CDH12: variants seen among roughly 807,000 people sequenced by gnomAD.
The protein encoded by CDH12 is cadherin 12.
CDH12 carries 41 observed loss-of-function variants against 74.1 expected under a neutral mutation model. That is an observed-to-expected ratio of 0.55 (90% confidence interval 0.43 to 0.72). The LOEUF is 0.72. Ranked by LOEUF, CDH12 falls within the 30% of genes least tolerant of loss-of-function variation. CDH12 has a pLI of 0.00. For missense variants in CDH12, 945 were observed against 977.2 expected (o/e 0.97, Z 0.44); for synonymous variants, 399 against 355.0 (o/e 1.12, Z -1.39).
intron 7 of CDH12, among the ~76,000 whole-genome samples, chr5:21,850,932 G>A (rs777585749): frequency 4.6e-5 from 7 of 150,926 alleles, no homozygotes; most frequent in Non-Finnish European, 1.0e-4. Flanking sequence ...TAAGAGATAC[G>A]GAGAGAAATG....
intron 2 of CDH12, among the ~76,000 whole-genome samples, chr5:22,412,974 T>G (rs573979202): frequency 6.6e-6 from 1 of 152,016 alleles, no homozygotes; most frequent in African/African-American, 2.4e-5. Context: ...TTCCAGCCTA[T>G]GTTACTATGG....
chr5:22,485,131 G>C (rs912708910), intron 2 of CDH12, among the ~76,000 whole-genome samples: 31 of 152,138 alleles, frequency 2.0e-4, no homozygotes, highest in Admixed American at 3.9e-4. Context: ...CTTGTCCATT[G>C]TTTATTATCT....
At chr5:22,466,198 C>T (rs981113967) in intron 2 of CDH12, among the ~76,000 whole-genome samples, 1 of 152,182 alleles carries the variant, frequency 6.6e-6, no homozygotes, top group African/African-American at 2.4e-5. Flanking sequence ...CTTCCTGAGC[C>T]CTATGCTTTA....
chr5:21,905,074 A>T (rs1753574251), intron 6 of CDH12, among the ~76,000 whole-genome samples: 1 of 152,188 alleles, frequency 6.6e-6, no homozygotes, highest in Non-Finnish European at 1.5e-5. Flanking sequence ...GTCAATCACA[A>T]TTTGTCCTTT....
At chr5:22,429,951 GAA>G (rs1400016249) in intron 2 of CDH12, among the ~76,000 whole-genome samples, 1 of 152,134 alleles carries the variant, frequency 6.6e-6, no homozygotes, top group Non-Finnish European at 1.5e-5. Context: ...TATGAAAGCT[GAA>G]AGAGATTAAT....
intron 1 of CDH12, among the ~76,000 whole-genome samples, chr5:22,656,301 T>C (rs531376167): frequency 3.3e-5 from 5 of 152,338 alleles, no homozygotes; most frequent in African/African-American, 7.2e-5. Context: ...CTGGTTCAGA[T>C]TGAATATTTA....
intron 2 of CDH12, among the ~76,000 whole-genome samples, chr5:22,466,337 ATGGGGC>A (rs1554043002): frequency 2.0e-5 from 3 of 152,262 alleles, no homozygotes; most frequent in Non-Finnish European, 2.9e-5. Context: ...CAGTAACCCA[ATGGGGC>A]ACATATGTTT....
intron 4 of CDH12, among the ~76,000 whole-genome samples, chr5:22,096,343 A>G (rs1743779194): frequency 6.6e-6 from 1 of 152,028 alleles, no homozygotes; most frequent in South Asian, 2.1e-4. Context: ...GCATTCTTTT[A>G]TACATTGGTC....
At chr5:22,030,293 GGT>G (rs1421199443) in intron 5 of CDH12, among the ~76,000 whole-genome samples, 1 of 151,888 alleles carries the variant, frequency 6.6e-6, no homozygotes, top group Non-Finnish European at 1.5e-5. Flanking sequence ...AAAAAAGAAA[GGT>G]ATTTCTTGAA....
At chr5:21,956,973 A>T (rs538792072) in intron 6 of CDH12, among the ~76,000 whole-genome samples, 22 of 151,546 alleles carry the variant, frequency 1.5e-4, no homozygotes, top group Middle Eastern at 6.8e-3. Context: ...ATATAGGTAA[A>T]CTCGTGTCAC....
At chr5:22,768,883 T>C (rs1224055079) in intron 1 of CDH12, among the ~76,000 whole-genome samples, 1 of 152,208 alleles carries the variant, frequency 6.6e-6, no homozygotes, top group South Asian at 2.1e-4. Context: ...TTAACACAGC[T>C]AATTAGATGT....
intron 1 of CDH12, among the ~76,000 whole-genome samples, chr5:22,836,223 C>CTTTTTTTTTTTTTTT (rs61616737): frequency 0.026 from 1,721 of 65,510 alleles, 362 homozygotes; most frequent in Middle Eastern, 0.091. Context: ...CTTTCTTTCT[C>CTTTTTTTTTTTTTTT]TTTTTTTTTT....
At chr5:22,674,584 C>A (rs558884699) in intron 1 of CDH12, among the ~76,000 whole-genome samples, 1 of 152,206 alleles carries the variant, frequency 6.6e-6, no homozygotes, top group Non-Finnish European at 1.5e-5. Context: ...AACTGGGTAA[C>A]AGGCAGAAGT....
chr5:22,060,603 C>A (rs1418034226), intron 5 of CDH12, among the ~76,000 whole-genome samples: 1 of 152,120 alleles, frequency 6.6e-6, no homozygotes, highest in African/African-American at 2.4e-5. Context: ...TAAGTCACAG[C>A]ACTATGTGGT....
chr5:22,569,578 C>T lies in CDH12; in HGVS notation c.-522-64214G>A, dbSNP rs112822087. 7.3e-3 allele frequency among the ~76,000 whole-genome samples: 1,113 copies of T among 152,314 alleles called. 11 individuals are homozygous for T. The highest frequency in any genetic ancestry group is 0.023 in the African/African-American group (961 of 41,560). ...TCCTGATACTGCTCTATCAACTACG[C>T]TTAGGACATATTCTAAATCCTTTGT... On this transcript the variant is annotated intron_variant, in intron 1 of 14. Coordinates refer to ENST00000382254, the MANE Select transcript of CDH12 (RefSeq NM_004061.5).
At chr5:21,942,135 T>A (rs921640355) in intron 6 of CDH12, among the ~76,000 whole-genome samples, 1 of 151,784 alleles carries the variant, frequency 6.6e-6, no homozygotes, top group Non-Finnish European at 1.5e-5. Context: ...AAAGCAGAGG[T>A]TGGAGTGACA....
chr5:22,156,309 T>G (rs1358653980), intron 4 of CDH12, among the ~76,000 whole-genome samples: 1 of 152,006 alleles, frequency 6.6e-6, no homozygotes, highest in Non-Finnish European at 1.5e-5. Context: ...GAAAGAGAGG[T>G]ACACTTAAAT....
Position 22,777,080 on chromosome 5 carries a change from GT to G in CDH12, c.-523+75977del, listed in dbSNP as rs539871530. Among the ~76,000 whole-genome samples the G allele has an allele frequency of 1.3e-3, 198 of 152,130 alleles. 1 individual carries two copies. Among genetic ancestry groups the G allele is most frequent in the African/African-American group, 4.6e-3 (192 of 41,484 alleles). On this transcript the variant is annotated intron_variant, in intron 1 of 14. Transcript: ENST00000382254. Reference sequence around the variant, plus strand: ...TCATTGTGGTGTCCTAAAGTTAGGTGTGATAACTTTATGTTTAAGAGAAGTT... The same window carrying G: ...TCATTGTGGTGTCCTAAAGTTAGGTGGATAACTTTATGTTTAAGAGAAGTT...
Position 21,889,667 on chromosome 5 carries a change from C to T in CDH12, c.527-34877G>A, listed in dbSNP as rs1014743645. ...TTCCATGCCATCAGTATCCTGAATG[C>T]TGAACAAAATCAGAAAGTATTCTCC... On this transcript the variant is annotated intron_variant, in intron 6 of 14. Coordinates refer to ENST00000382254, the MANE Select transcript of CDH12 (RefSeq NM_004061.5). The T allele has an allele frequency of 1.8e-5, 18 of 985,122 alleles. No individual in the cohort carries two copies. In the East Asian group the frequency reaches 6.8e-4, roughly 37 times the overall value. 61.0% of individuals were successfully genotyped at this position (985,122 alleles called of 1,614,324 possible).
Sources: gnomAD v4.1 joint callset for allele counts (sites outside exome capture counted in the v4.1 genomes callset) on GRCh38, gnomAD v4.1.1 for gene constraint, MANE v1.5 for transcripts, NCBI Gene and HGNC (gene_info 2026-07-23, HGNC 2026-07-21) for gene names.